The following SPATS2L variants were observed in gnomAD, a reference collection of about 807,000 sequenced individuals.
The protein encoded by SPATS2L is spermatogenesis associated serine rich 2 like.
A neutral mutation model predicts 59.6 loss-of-function variants in SPATS2L; 30 were observed. The observed-to-expected ratio is 0.50, with a 90% confidence interval of 0.38 to 0.68. The LOEUF (loss-of-function observed/expected upper bound fraction) is 0.68. Ranked by LOEUF, SPATS2L falls within the 30% of genes least tolerant of loss-of-function variation. The probability of loss-of-function intolerance (pLI) is 0.00; values close to 1 mark genes in which losing one functional copy is unlikely to be tolerated. For missense variants in SPATS2L, 615 were observed against 700.0 expected (o/e 0.88, Z 1.37); for synonymous variants, 252 against 263.5 (o/e 0.96, Z 0.42).
intron 8 of SPATS2L, among the ~76,000 whole-genome samples, chr2:200,448,057 A>T (rs769413782): frequency 1.4e-4 from 22 of 152,036 alleles, no homozygotes; most frequent in Non-Finnish European, 2.9e-5. Context: ...AGGTGGGAGG[A>T]TCATTTGAGC....
intron 2 of SPATS2L, among the ~76,000 whole-genome samples, chr2:200,370,977 A>C (rs896193930): frequency 3.3e-5 from 5 of 152,212 alleles, no homozygotes; most frequent in Admixed American, 6.5e-5. Flanking sequence ...ACATGCACTT[A>C]AGGTTCAAAA....
chr2:200,388,954 A>C (rs2082085315), intron 2 of SPATS2L, among the ~76,000 whole-genome samples: 2 of 152,368 alleles, frequency 1.3e-5, no homozygotes, highest in Admixed American at 1.3e-4. Flanking sequence ...AATAGGAAGA[A>C]ACACAATTTA....
chr2:200,340,254 T>C (rs1217877048), intron 2 of SPATS2L, among the ~76,000 whole-genome samples: 1 of 152,186 alleles, frequency 6.6e-6, no homozygotes, highest in Non-Finnish European at 1.5e-5. Flanking sequence ...TTACTCTTGC[T>C]GCTTTGATGT....
chr2:200,425,820 A>C (rs1476114229), intron 6 of SPATS2L, among the ~76,000 whole-genome samples: 2 of 152,170 alleles, frequency 1.3e-5, no homozygotes, highest in Non-Finnish European at 2.9e-5. Flanking sequence ...AATACAACTG[A>C]GTTACCAACA....
At chr2:200,310,599 T>A (rs559780570) in intron 1 of SPATS2L, among the ~76,000 whole-genome samples, 1 of 152,340 alleles carries the variant, frequency 6.6e-6, no homozygotes, top group African/African-American at 2.4e-5. Flanking sequence ...TACTTTAGCA[T>A]TGTTTAGTAT....
At chr2:200,340,750 G>T (rs942505771) in intron 2 of SPATS2L, among the ~76,000 whole-genome samples, 1 of 152,116 alleles carries the variant, frequency 6.6e-6, no homozygotes, top group Non-Finnish European at 1.5e-5. Flanking sequence ...ACCTTTCATT[G>T]TGCTTGAAAA....
intron 9 of SPATS2L, among the ~76,000 whole-genome samples, chr2:200,465,722 T>C (rs2086547592): frequency 6.6e-6 from 1 of 152,210 alleles, no homozygotes; most frequent in African/African-American, 2.4e-5. Context: ...CATCTCAACA[T>C]TGATATCAGC....
intron 8 of SPATS2L, among the ~76,000 whole-genome samples, chr2:200,453,541 A>C (rs891251487): frequency 1.3e-5 from 2 of 152,210 alleles, no homozygotes; most frequent in Admixed American, 6.5e-5. Flanking sequence ...TAAATGTATA[A>C]AGGAAGTTTT....
In SPATS2L at chr2:200,389,215, C is replaced by T. The variant is rs750735130; in HGVS notation, c.-22-8C>T. The T allele has an allele frequency of 6.5e-7, 1 of 1,541,126 alleles. No homozygotes were observed. Among genetic ancestry groups the T allele is most frequent in the East Asian group, 2.3e-5 (1 of 42,812 alleles). ...TTTAAAACTTAATCTTGTTTTCCTT[C>T]TTTATAGGGCCTATTCCACTAGAAG... On this transcript the variant is annotated splice_region_variant and splice_polypyrimidine_tract_variant and intron_variant, in intron 2 of 12. Coordinates refer to ENST00000409140, the MANE Select transcript of SPATS2L (RefSeq NM_001100423.2).
chr2:200,357,151 C>T (rs756384381), intron 2 of SPATS2L, among the ~76,000 whole-genome samples: 3 of 152,196 alleles, frequency 2.0e-5, no homozygotes, highest in Non-Finnish European at 4.4e-5. Flanking sequence ...ATGTCATCAT[C>T]CAACATTCTT....
intron 1 of SPATS2L, among the ~76,000 whole-genome samples, chr2:200,327,642 G>A (rs1444546309): frequency 2.0e-5 from 3 of 152,038 alleles, no homozygotes; most frequent in Non-Finnish European, 4.4e-5. Context: ...CCTTTTGTGG[G>A]GCATAAAGAA....
At chr2:200,362,060 C>T (rs767044618) in intron 2 of SPATS2L, among the ~76,000 whole-genome samples, 2 of 151,942 alleles carry the variant, frequency 1.3e-5, no homozygotes, top group Non-Finnish European at 2.9e-5. Context: ...GGCAACACAA[C>T]CAGACCCTGT....
intron 1 of SPATS2L, among the ~76,000 whole-genome samples, chr2:200,315,076 G>T (rs2079323649): frequency 6.6e-6 from 1 of 152,206 alleles, no homozygotes; most frequent in African/African-American, 2.4e-5. Flanking sequence ...TTATAGTTCT[G>T]TTGGACAGCA....
At chr2:200,344,296 C>T (rs2080434920) in intron 2 of SPATS2L, among the ~76,000 whole-genome samples, 1 of 152,160 alleles carries the variant, frequency 6.6e-6, no homozygotes, top group Non-Finnish European at 1.5e-5. Flanking sequence ...ATTTAGCTCC[C>T]ACTTATAAGT....
chr2:200,420,540 T>C (rs1244505565), intron 6 of SPATS2L, among the ~76,000 whole-genome samples: 1 of 152,216 alleles, frequency 6.6e-6, no homozygotes, highest in East Asian at 1.9e-4. Flanking sequence ...ATGGAATCAC[T>C]GTGAATGCAC....
chr2:200,449,198 T>C (rs950181466), intron 8 of SPATS2L, among the ~76,000 whole-genome samples: 1 of 152,206 alleles, frequency 6.6e-6, no homozygotes, highest in Non-Finnish European at 1.5e-5. Context: ...TCCTCTGCAA[T>C]AGATGTTTCC....
At chr2:200,364,760 G>C (rs1422591410) in intron 2 of SPATS2L, among the ~76,000 whole-genome samples, 2 of 152,176 alleles carry the variant, frequency 1.3e-5, no homozygotes, top group Non-Finnish European at 2.9e-5. Context: ...GTTGGGGTCT[G>C]TAGAGAGGTA....
At chr2:200,347,327 T>C (rs1559056343) in intron 2 of SPATS2L, among the ~76,000 whole-genome samples, 1 of 152,138 alleles carries the variant, frequency 6.6e-6, no homozygotes, top group Non-Finnish European at 1.5e-5. Flanking sequence ...GATCACTAGG[T>C]GGGAGTTCCA....
intron 1 of SPATS2L, among the ~76,000 whole-genome samples, chr2:200,323,317 G>A (rs1456717849): frequency 6.6e-6 from 1 of 152,094 alleles, no homozygotes; most frequent in African/African-American, 2.4e-5. Flanking sequence ...GATGTATTGA[G>A]CAAACCATTG....
Sources: gnomAD v4.1 joint callset for allele counts (sites outside exome capture counted in the v4.1 genomes callset) on GRCh38, gnomAD v4.1.1 for gene constraint, MANE v1.5 for transcripts, NCBI Gene and HGNC (gene_info 2026-07-23, HGNC 2026-07-21) for gene names.